The following DYNLRB1 variants were observed in gnomAD, a reference collection of about 807,000 sequenced individuals.
The protein encoded by DYNLRB1 is dynein light chain roadblock-type 1.
A neutral mutation model predicts 13.5 loss-of-function variants in DYNLRB1; 6 were observed. That is an observed-to-expected ratio of 0.44 (90% confidence interval 0.24 to 0.88). The LOEUF (loss-of-function observed/expected upper bound fraction) is 0.88, where lower values mean the gene tolerates loss of function less well. Ranked by LOEUF, DYNLRB1 falls within the 40% of genes least tolerant of loss-of-function variation. The pLI is 0.21. For missense variants in DYNLRB1, 93 were observed against 127.2 expected, an observed-to-expected ratio of 0.73 and a Z score of 1.29; for synonymous variants, 43 against 45.0, an observed-to-expected ratio of 0.96 and a Z score of 0.18.
At chr20:34,524,961 A>G (rs909154050) in intron 1 of DYNLRB1, among the ~76,000 whole-genome samples, 6 of 152,052 alleles carry the variant, frequency 3.9e-5, no homozygotes, top group African/African-American at 1.4e-4. Context: ...TCCTGACCTC[A>G]TGATCCGCCC....
intron 1 of DYNLRB1, among the ~76,000 whole-genome samples, chr20:34,521,975 C>T (rs1979755256): frequency 6.6e-6 from 1 of 151,920 alleles, no homozygotes; most frequent in African/African-American, 2.4e-5. Flanking sequence ...GAGGTCAAGG[C>T]TGCAGTGAGC....
At chr20:34,521,527 T>C (rs1373061574) in intron 1 of DYNLRB1, among the ~76,000 whole-genome samples, 1 of 152,150 alleles carries the variant, frequency 6.6e-6, no homozygotes, top group Non-Finnish European at 1.5e-5. Context: ...ATACAGAAGT[T>C]TTATGTTTAG....
At chr20:34,527,636 A>AT (rs1980335971) in intron 2 of DYNLRB1, among the ~76,000 whole-genome samples, 1 of 152,186 alleles carries the variant, frequency 6.6e-6, no homozygotes, top group South Asian at 2.1e-4. Context: ...AAAAAGTCTA[A>AT]TTTATTAGAG....
intron 1 of DYNLRB1, among the ~76,000 whole-genome samples, chr20:34,522,388 T>C (rs1199367522): frequency 6.8e-6 from 1 of 146,882 alleles, no homozygotes; most frequent in African/African-American, 2.4e-5. Flanking sequence ...AGGGAAATTA[T>C]ACCTATGTGT....
chr20:34,528,650 A>T (rs1245023140), intron 2 of DYNLRB1, among the ~76,000 whole-genome samples: 1 of 152,168 alleles, frequency 6.6e-6, no homozygotes, highest in Non-Finnish European at 1.5e-5. Context: ...AGCATGTTAG[A>T]TGCCATAATC....
chr20:34,537,982 A>T (rs1981285804), intron 3 of DYNLRB1, among the ~76,000 whole-genome samples: 1 of 55,436 alleles, frequency 1.8e-5, no homozygotes. Flanking sequence ...CCACGTGAAC[A>T]GGCTTTTTTT....
At chr20:34,516,291 T>A (rs937901982), upstream of DYNLRB1, 43 of 1,158,922 alleles carry the variant, frequency 3.7e-5, no homozygotes, top group Non-Finnish European at 5.0e-5. Context: ...GGAAAGCAGA[T>A]TTTCCAAGAA....
chr20:34,516,913 T>C (rs1568596159), intron 1 of DYNLRB1: 6 of 1,405,034 alleles, frequency 4.3e-6, no homozygotes, highest in South Asian at 1.7e-5. Flanking sequence ...GTTATACATA[T>C]CTGTTATTCA....
upstream of DYNLRB1, chr20:34,516,301 A>G (rs1979156822): frequency 1.6e-6 from 2 of 1,234,666 alleles, no homozygotes; most frequent in South Asian, 1.6e-5. Flanking sequence ...TTTTCCAAGA[A>G]TCCTGGCGGA....
intron 2 of DYNLRB1, chr20:34,533,636 T>A (rs1980886764): frequency 2.7e-6 from 1 of 376,626 alleles, no homozygotes; most frequent in Admixed American, 6.5e-5. Flanking sequence ...CTGGCCAGTA[T>A]GGTGAAACCC....
intron 3 of DYNLRB1, chr20:34,535,691 G>C (rs561745277): frequency 1.0e-6 from 1 of 985,336 alleles, no homozygotes; most frequent in African/African-American, 1.7e-5. Context: ...GTGCACTCCC[G>C]CTGCAGTGCC....
intron 1 of DYNLRB1, among the ~76,000 whole-genome samples, chr20:34,521,583 G>A (rs936027816): frequency 1.3e-5 from 2 of 152,048 alleles, no homozygotes; most frequent in Admixed American, 6.6e-5. Flanking sequence ...GCTTCCAGTG[G>A]TCATCCCTCC....
intron 1 of DYNLRB1, among the ~76,000 whole-genome samples, chr20:34,523,025 C>G (rs750043343): frequency 3.3e-5 from 5 of 152,134 alleles, no homozygotes; most frequent in African/African-American, 1.2e-4. Flanking sequence ...GGGTGCCTTG[C>G]GTCTGGAGGA....
chr20:34,528,631 A>G (rs1485925541), intron 2 of DYNLRB1, among the ~76,000 whole-genome samples: 3 of 152,220 alleles, frequency 2.0e-5, no homozygotes, highest in South Asian at 2.1e-4. Flanking sequence ...AAAACCTGAA[A>G]TTTTTGCAAG....
At chr20:34,529,598 G>T (rs762335810) in intron 2 of DYNLRB1, among the ~76,000 whole-genome samples, 1 of 151,914 alleles carries the variant, frequency 6.6e-6, no homozygotes, top group Non-Finnish European at 1.5e-5. Flanking sequence ...GTGTGGTGGC[G>T]GGCACCTGTA....
chr20:34,526,445 C>G, intron 2 of DYNLRB1, 102 bp downstream of exon 2: 5 of 828,508 alleles, frequency 6.0e-6, no homozygotes, highest in Non-Finnish European at 9.1e-6. Flanking sequence ...TGAATCTGAT[C>G]TAATTTTAGG....
chr20:34,527,181 T>A (rs1980293924), intron 2 of DYNLRB1, among the ~76,000 whole-genome samples: 1 of 152,230 alleles, frequency 6.6e-6, no homozygotes, highest in Non-Finnish European at 1.5e-5. Flanking sequence ...CAAGCCCGTC[T>A]GAGTGCGCTT....
chr20:34,518,462 C>T (rs535489685), intron 1 of DYNLRB1, among the ~76,000 whole-genome samples: 1 of 151,884 alleles, frequency 6.6e-6, no homozygotes, highest in African/African-American at 2.4e-5. Flanking sequence ...TCTCCTAACC[C>T]CCAGTCTCAG....
chr20:34,525,596 G>GT (rs1441873614), intron 1 of DYNLRB1, among the ~76,000 whole-genome samples: 1 of 152,172 alleles, frequency 6.6e-6, no homozygotes, highest in Non-Finnish European at 1.5e-5. Context: ...ATAGGGAGGT[G>GT]TGTCACGGAG....
Sources: gnomAD v4.1 joint callset for allele counts (sites outside exome capture counted in the v4.1 genomes callset) on GRCh38, gnomAD v4.1.1 for gene constraint, MANE v1.5 for transcripts, NCBI Gene and HGNC (gene_info 2026-07-23, HGNC 2026-07-21) for gene names.